Variants in COL18A1 observed in about 807,000 individuals in gnomAD.
COL18A1 encodes the protein collagen type XVIII alpha 1 chain.
COL18A1 carries 133 observed loss-of-function variants against 168.0 expected under a neutral mutation model. The observed-to-expected ratio is 0.79, with a 90% CI of 0.69 to 0.91. The LOEUF is 0.91. Among genes scored for constraint, COL18A1 ranks in the 40% least tolerant of loss-of-function variants. COL18A1 has a pLI of 0.00. For missense variants in COL18A1, 2,126 were observed against 1,925.4 expected, an observed-to-expected ratio of 1.10 and a Z score of -1.95; for synonymous variants, 949 against 809.0, an observed-to-expected ratio of 1.17 and a Z score of -2.94.
chr21:45,495,987 C>T (rs1343883960), intron 29 of COL18A1: 1 of 340,952 alleles, frequency 2.9e-6, no homozygotes, highest in Admixed American at 3.9e-5. Context: ...CACACCAATA[C>T]ACATATATGC....
Position 45,423,618 on chromosome 21 carries a change from C to T in COL18A1, c.106+18145C>T, listed in dbSNP as rs183816705. ...GTCCCCACCCCCACCTGAGTTACTG[C>T]GGAACCAAGGGGCTCATGGCCATTG... On this transcript the variant is annotated intron_variant, in intron 2 of 41. Transcript: ENST00000651438. The surrounding 1 kb of genome is among the most constrained non-coding windows in gnomAD (Gnocchi z 4.0). Among the ~76,000 whole-genome samples the T allele has an allele frequency of 2.6e-5, 4 of 152,078 alleles. No homozygotes were observed. In the East Asian group the frequency reaches 7.8e-4, roughly 29 times the overall value.
In COL18A1 at chr21:45,476,354, G is replaced by C; in HGVS notation, c.802G>C (p.Ala268Pro). 6.2e-7 allele frequency: 1 copy of C among 1,613,948 alleles called. No homozygotes were observed. The highest frequency in any genetic ancestry group is 8.5e-7 in the Non-Finnish European group (1 of 1,179,968). The change falls in exon 6 of 42, where the codon GCG becomes CCG. Residue 268 changes from alanine (A) to proline (P), a missense_variant. Transcript: ENST00000651438. ...ARELLREETG[A>P]ALKPRLPAPP... ...CACCTCCCCTCTCGTCCTCCAGGGC[G>C]CGGCCCTAAAACCCAGGCTCCCCGC...
intron 3 of COL18A1, among the ~76,000 whole-genome samples, chr21:45,469,784 T>G (rs912271232): frequency 1.3e-5 from 2 of 152,242 alleles, no homozygotes; most frequent in African/African-American, 4.8e-5. Context: ...AAGGGCTGTT[T>G]GTTTGAAGTT....
At chr21:45,492,175 C>G (rs1655118175) in intron 22 of COL18A1, among the ~76,000 whole-genome samples, 1 of 152,222 alleles carries the variant, frequency 6.6e-6, no homozygotes, top group South Asian at 2.1e-4. Context: ...GCAGGGGCAG[C>G]CCGAGAGGCC....
intron 15 of COL18A1, among the ~76,000 whole-genome samples, chr21:45,484,516 TATGTGCACATACACATAGCCAGCAC>T (rs1476367457): frequency 4.6e-5 from 7 of 152,202 alleles, no homozygotes; most frequent in Non-Finnish European, 8.8e-5. Flanking sequence ...CTCTCCAGCA[TATGTGCACATACACATAGCCAGCAC>T]ATGTGCACAC....
At position 45,480,519 on chromosome 21, in the gene COL18A1, G is replaced by A. The variant is rs748764112; in HGVS notation, c.1451G>A (p.Arg484Gln). Residue 484 changes from arginine (R) to glutamine (Q), a missense_variant and splice_region_variant, in exon 12 of 42, where the codon CGG (arginine) becomes CAG (glutamine). Physicochemically the swap from Arg to Gln is conservative, Grantham distance 43. Coordinates refer to ENST00000651438, the MANE Select transcript of COL18A1 (RefSeq NM_001379500.1). ...TTCGGGGGCGATCTGGAGGCCCTGC[G>A]GGTGAGTGGCCCTTAAACTGCAGCG... ...SGFGGDLEAL[R>Q]GPRGFPGPPG... is the part of the protein sequence containing the mutation. The A allele has an allele frequency of 4.9e-5, 79 of 1,613,998 alleles. No individual in the cohort carries two copies. Among genetic ancestry groups the A allele is most frequent in the Non-Finnish European group, 5.9e-5 (70 of 1,180,030 alleles).
In COL18A1 at chr21:45,494,538, T is replaced by C. The variant is rs1482043261; in HGVS notation, c.2353-7T>C. ...ACCTAACCCTGTCTTCTTGTTTTTTTGCTCAGGGAGAGCCGGGCTTCCGAG... is the reference window on the plus strand; with the variant it reads ...ACCTAACCCTGTCTTCTTGTTTTTTCGCTCAGGGAGAGCCGGGCTTCCGAG... On this transcript the variant is annotated splice_region_variant and splice_polypyrimidine_tract_variant and intron_variant, in intron 26 of 41. Transcript: ENST00000651438. 1 of 1,613,482 alleles carries C rather than the reference T, an allele frequency of 6.2e-7. No homozygotes were observed. The highest frequency in any genetic ancestry group is 8.5e-7 in the Non-Finnish European group (1 of 1,179,986).
intron 2 of COL18A1, among the ~76,000 whole-genome samples, chr21:45,465,720 G>A (rs1488745479): frequency 1.3e-5 from 2 of 152,190 alleles, no homozygotes; most frequent in African/African-American, 4.8e-5. Context: ...CCTTCAAAGG[G>A]GCAGCAGAGA....
chr21:45,510,015 G>A (rs765508151), intron 39 of COL18A1, 49 bp from the exon 40 acceptor site: 6 of 1,529,822 alleles, frequency 3.9e-6, no homozygotes, highest in Admixed American at 2.0e-5. Context: ...GGGCCTGGGT[G>A]CAGGGGGCAG....
chr21:45,445,551 G>T (rs1288785474), intron 2 of COL18A1, among the ~76,000 whole-genome samples: 1 of 152,230 alleles, frequency 6.6e-6, no homozygotes, highest in Admixed American at 6.5e-5. Context: ...CCAAGTGTCT[G>T]CACCATCTCA....
chr21:45,415,740 C>T (rs1187016309), intron 2 of COL18A1, among the ~76,000 whole-genome samples: 1 of 152,214 alleles, frequency 6.6e-6, no homozygotes, highest in Non-Finnish European at 1.5e-5. Flanking sequence ...GAGGCAAAGG[C>T]GCAGAAGCAC....
At position 45,505,235 on chromosome 21, in the gene COL18A1, AGGCCCCCCAG is replaced by A. The variant is rs756797124; in HGVS notation, c.2978_2987del (p.Pro993LeufsTer35). ...GGCGCCAGGGCCCTCCCGGCCCCCC[AGGCCCCCCAG>A]GGCCCCCTTCATTTCCTGGCCCTCA... On this transcript the variant is annotated frameshift_variant, in exon 35 of 42. Transcript: ENST00000651438. LOFTEE classifies it high-confidence loss of function. 22 of 1,595,018 alleles carry A rather than the reference AGGCCCCCCAG, an allele frequency of 1.4e-5. No individual in the cohort carries two copies. The highest frequency in any genetic ancestry group is 1.7e-5 in the Non-Finnish European group (20 of 1,167,760).
intron 24 of COL18A1, 137 bp from the exon 25 acceptor site, chr21:45,493,026 C>T: frequency 1.1e-6 from 1 of 904,706 alleles, no homozygotes; most frequent in Non-Finnish European, 1.8e-6. Context: ...CAGAGTGAGG[C>T]TGGGGCCGCG....
chr21:45,452,423 A>C (rs1602412089), intron 2 of COL18A1, among the ~76,000 whole-genome samples: 1 of 150,230 alleles, frequency 6.7e-6, no homozygotes, highest in South Asian at 2.1e-4. Context: ...TATATATGTG[A>C]GCTTGTGTAT....
chr21:45,451,589 G>T (rs1423998763), intron 2 of COL18A1, among the ~76,000 whole-genome samples: 1 of 152,238 alleles, frequency 6.6e-6, no homozygotes, highest in Non-Finnish European at 1.5e-5. Context: ...GAGGGAGTTT[G>T]TGGTTAACGT....
At chr21:45,504,892 T>C (rs2037097612) in intron 34 of COL18A1, among the ~76,000 whole-genome samples, 1 of 148,054 alleles carries the variant, frequency 6.8e-6, no homozygotes, top group South Asian at 2.2e-4. Context: ...GGGCCCCAGC[T>C]ACTGCCTGGG....
chr21:45,477,554 C>G, intron 7 of COL18A1, 67 bp downstream of exon 7: 3 of 1,452,812 alleles, frequency 2.1e-6, no homozygotes, highest in South Asian at 2.4e-5. Context: ...TTGGGCCACT[C>G]ACTGGTGAGC....
intron 2 of COL18A1, among the ~76,000 whole-genome samples, chr21:45,460,812 G>C (rs2035015807): frequency 6.6e-6 from 1 of 152,120 alleles, no homozygotes; most frequent in Non-Finnish European, 1.5e-5. Context: ...AATTCTCCAT[G>C]CCTCTTAGAT....
rs2146011899 is a variant in COL18A1 at position 45,497,031 on chromosome 21, C to G, written c.2578-19C>G. 1 of 1,594,926 alleles carries G rather than the reference C, an allele frequency of 6.3e-7. No individual in the cohort carries two copies. Among genetic ancestry groups the G allele is most frequent in the Non-Finnish European group, 8.6e-7 (1 of 1,166,176 alleles). On this transcript the variant is annotated intron_variant, in intron 30 of 41. Coordinates refer to ENST00000651438, the MANE Select transcript of COL18A1 (RefSeq NM_001379500.1). Reference sequence around the variant, plus strand: ...TCAGAACATCGCCCTCAGCAGCCGCCTCTCCCCGTTCCTTGCAGGTGTTTG... The same window carrying G: ...TCAGAACATCGCCCTCAGCAGCCGCGTCTCCCCGTTCCTTGCAGGTGTTTG...
Sources: gnomAD v4.1 joint callset for allele counts (sites outside exome capture counted in the v4.1 genomes callset) on GRCh38, gnomAD v4.1.1 for gene constraint, Gnocchi (gnomAD v3.1) non-coding constraint, MANE v1.5 for transcripts, NCBI Gene and HGNC (gene_info 2026-07-23, HGNC 2026-07-21) for gene names.